Variants in SAMD5 observed in about 807,000 individuals in gnomAD.
SAMD5 encodes the protein sterile alpha motif domain containing 5.
Under a neutral mutation model 11.3 loss-of-function variants are expected in SAMD5, and 13 were observed. The ratio of observed to expected loss-of-function variants is 1.15; its 90% CI spans 0.75 to 1.83. The LOEUF is 1.83. Among genes scored for constraint, SAMD5 ranks in the 40% most tolerant of loss-of-function variants. The pLI is 0.00. For missense variants in SAMD5, 255 were observed against 239.1 expected, an observed-to-expected ratio of 1.07 and a Z score of -0.44; for synonymous variants, 129 against 111.3, an observed-to-expected ratio of 1.16 and a Z score of -1.00.
chr6:147,926,526 T>G, the SAMD5 span, among the ~76,000 whole-genome samples: 1 of 148,950 alleles, frequency 6.7e-6, no homozygotes, highest in Non-Finnish European at 1.5e-5. Flanking sequence ...CTTTTTAATG[T>G]TTTTTTTTCT....
At chr6:147,859,709 A>G in the SAMD5 span, among the ~76,000 whole-genome samples, 1 of 152,130 alleles carries the variant, frequency 6.6e-6, no homozygotes, top group Non-Finnish European at 1.5e-5. Flanking sequence ...GGTTGCATGT[A>G]ACCTAATGAA....
In SAMD5 at chr6:147,568,139, G is replaced by T. The variant is rs77599373; in HGVS notation, c.*3683G>T. On this transcript the variant is annotated 3_prime_UTR_variant, in exon 2 of 2. Transcript: ENST00000367474. The stretch of plus-strand genomic sequence containing the variant: ...TGATTTACAAATTAGGAGTGCAAAT[G>T]GGCTGTTCCCCGATAGCATCTTCTG... The T allele has an allele frequency of 0.041, 40,852 of 985,166 alleles. 921 individuals are homozygous for T. Among genetic ancestry groups the T allele is most frequent in the Middle Eastern group, 0.055 (106 of 1,914 alleles). The allele number at this position is 985,166 out of a possible 1,614,324, so 61.0% of individuals were successfully genotyped here.
At chr6:147,823,104 A>C in the SAMD5 span, among the ~76,000 whole-genome samples, 1 of 152,240 alleles carries the variant, frequency 6.6e-6, no homozygotes, top group Non-Finnish European at 1.5e-5. Context: ...GGCATGAGCC[A>C]CTAAGTCCAG....
intron 1 of SAMD5, among the ~76,000 whole-genome samples, chr6:147,668,932 A>G (rs1171097122): frequency 6.6e-6 from 1 of 152,200 alleles, no homozygotes; most frequent in Non-Finnish European, 1.5e-5. Flanking sequence ...TTAATTAAAA[A>G]TACTTTTTGT....
At chr6:147,544,908 G>A (rs1472735026) in intron 1 of SAMD5, among the ~76,000 whole-genome samples, 1 of 152,044 alleles carries the variant, frequency 6.6e-6, no homozygotes, top group African/African-American at 2.4e-5. Flanking sequence ...GAAATTCTTT[G>A]ACAACAAAAT....
chr6:147,742,637 TG>T, the SAMD5 span, among the ~76,000 whole-genome samples: 1 of 152,214 alleles, frequency 6.6e-6, no homozygotes, highest in Non-Finnish European at 1.5e-5. Context: ...CCTTTCTCCA[TG>T]GGCTGAAGGG....
chr6:147,848,212 G>A, the SAMD5 span, among the ~76,000 whole-genome samples: 1,575 of 152,214 alleles, frequency 0.01, 29 homozygotes, highest in Non-Finnish European at 0.012. Context: ...TCAAAAACTC[G>A]ACAAATCGCT....
At chr6:147,902,962 A>T in the SAMD5 span, among the ~76,000 whole-genome samples, 1 of 152,174 alleles carries the variant, frequency 6.6e-6, no homozygotes, top group South Asian at 2.1e-4. Context: ...TTTTGGCTAC[A>T]TTGTAAGGCA....
the SAMD5 span, among the ~76,000 whole-genome samples, chr6:147,801,886 C>G: frequency 6.6e-6 from 1 of 152,122 alleles, no homozygotes; most frequent in Non-Finnish European, 1.5e-5. Context: ...ACCTTGACCC[C>G]TATTTCACAC....
At chr6:147,604,552 A>G (rs539651192) in intron 1 of SAMD5, among the ~76,000 whole-genome samples, 4 of 152,354 alleles carry the variant, frequency 2.6e-5, no homozygotes, top group South Asian at 2.1e-4. Flanking sequence ...CAGCAGCATT[A>G]GGTGGGGATC....
the SAMD5 span, among the ~76,000 whole-genome samples, chr6:147,949,916 A>G: frequency 6.6e-6 from 1 of 152,228 alleles, no homozygotes; most frequent in Non-Finnish European, 1.5e-5. Context: ...GAATTATGAA[A>G]TGCATTGTAA....
chr6:147,639,978 T>A (rs1015131259), intron 1 of SAMD5, among the ~76,000 whole-genome samples: 7 of 152,126 alleles, frequency 4.6e-5, no homozygotes, highest in African/African-American at 1.7e-4. Flanking sequence ...AAGGAGTAAT[T>A]TGAAATCTGA....
chr6:147,511,442 T>G lies in SAMD5; in HGVS notation c.459+2055T>G, dbSNP rs182193428. On this transcript the variant is annotated intron_variant, in intron 1 of 1. Transcript: ENST00000367474. ...AGTTGCACTGCAATACTATTTACTTTCCATGTAAATAATTACTTCAGTCAA... is the reference window on the plus strand; with the variant it reads ...AGTTGCACTGCAATACTATTTACTTGCCATGTAAATAATTACTTCAGTCAA... Among the ~76,000 whole-genome samples the G allele has an allele frequency of 3.3e-5, 5 of 152,366 alleles. No homozygotes were observed. The East Asian group carries it at 9.6e-4, about 29-fold the overall frequency.
chr6:147,712,349 T>C (rs118135325), intron 1 of SAMD5, among the ~76,000 whole-genome samples: 375 of 152,338 alleles, frequency 2.5e-3, no homozygotes, highest in Non-Finnish European at 4.5e-3. Context: ...ATTATTTGTG[T>C]TCTAGACTTT....
chr6:147,942,830 T>TTTG, the SAMD5 span, among the ~76,000 whole-genome samples: 4 of 150,494 alleles, frequency 2.7e-5, no homozygotes, highest in South Asian at 8.4e-4. Context: ...CTTCTTTTTT[T>TTTG]TTTTTTTTTT....
chr6:147,930,232 A>T, the SAMD5 span, among the ~76,000 whole-genome samples: 1 of 151,952 alleles, frequency 6.6e-6, no homozygotes, highest in South Asian at 2.1e-4. Context: ...GGCCTTTCCT[A>T]TCTGTATTTC....
At chr6:147,587,386 TGC>T (rs1583096397) in intron 1 of SAMD5, among the ~76,000 whole-genome samples, 3 of 152,004 alleles carry the variant, frequency 2.0e-5, no homozygotes, top group East Asian at 1.9e-4. Context: ...TATAGGCATG[TGC>T]CACTGTGCCG....
chr6:147,571,981 ACTT>A (rs768579603), downstream of SAMD5, among the ~76,000 whole-genome samples: 2 of 147,340 alleles, frequency 1.4e-5, no homozygotes, highest in Admixed American at 6.7e-5. Flanking sequence ...AGTAATTTCA[ACTT>A]TTTTTTTTTT....
chr6:147,538,633 G>A (rs951551130), intron 1 of SAMD5, among the ~76,000 whole-genome samples: 3 of 152,134 alleles, frequency 2.0e-5, no homozygotes, highest in African/African-American at 4.8e-5. Context: ...ATAGCTCTTC[G>A]TATGTCCCCA....
Sources: allele counts gnomAD v4.1 joint callset (sites outside exome capture counted in the v4.1 genomes callset), GRCh38; gene constraint gnomAD v4.1.1; transcripts MANE v1.5; gene names NCBI Gene and HGNC (gene_info 2026-07-23, HGNC 2026-07-21).